Variants in HSPG2 observed in about 807,000 individuals in gnomAD.
HSPG2 encodes heparan sulfate proteoglycan 2.
In HSPG2, 278 loss-of-function variants were observed where a neutral mutation model predicts 526.6. That is an observed-to-expected ratio of 0.53 (90% CI 0.48 to 0.58). HSPG2 has a LOEUF of 0.58. Among genes scored for constraint, HSPG2 ranks in the 20% least tolerant of loss-of-function variants. The probability of loss-of-function intolerance (pLI) is 0.00; values close to 1 mark genes in which losing one functional copy is unlikely to be tolerated. For synonymous variants in HSPG2, 2,465 were observed against 2,555.4 expected (o/e 0.96, Z 1.07); for missense variants, 5,354 against 6,099.5 (o/e 0.88, Z 4.07).
intron 86 of HSPG2, 150 bp downstream of exon 86, chr1:21,829,843 C>A: frequency 1.3e-6 from 1 of 785,644 alleles, no homozygotes; most frequent in Non-Finnish European, 2.1e-6. Context: ...GGGGCTCAGG[C>A]TGGGCAGACA....
Position 21,824,667 on chromosome 1 carries a change from C to T in HSPG2, c.12665+37G>A. Reference sequence around the variant, plus strand: ...CAGAAGTCCCAGATTCCCATCCTCCCCATTAGGCCCATGGGCCCTTCCAAT... The same window carrying T: ...CAGAAGTCCCAGATTCCCATCCTCCTCATTAGGCCCATGGGCCCTTCCAAT... On this transcript the variant is annotated intron_variant, in intron 92 of 96. Transcript: ENST00000374695. This position sits in a 1 kb window ranked among gnomAD's most constrained non-coding sequence, Gnocchi z 5.9. 6.2e-7 allele frequency: 1 copy of T among 1,613,162 alleles called. No homozygotes were observed. The highest frequency in any genetic ancestry group is 8.5e-7 in the Non-Finnish European group (1 of 1,179,458).
chr1:21,923,889 T>A (rs1207853669), intron 1 of HSPG2, among the ~76,000 whole-genome samples: 1 of 152,166 alleles, frequency 6.6e-6, no homozygotes. Flanking sequence ...CTGGGGAAAA[T>A]TAAGCTCAAA....
chr1:21,916,386 T>C (rs1643889391), intron 1 of HSPG2, among the ~76,000 whole-genome samples: 2 of 152,060 alleles, frequency 1.3e-5, no homozygotes, highest in African/African-American at 4.8e-5. Flanking sequence ...GCACCTGTAG[T>C]GCCAGATACT....
chr1:21,833,977 T>C (rs750370919), intron 77 of HSPG2, 52 bp from the exon 78 acceptor site: 3 of 1,188,386 alleles, frequency 2.5e-6, no homozygotes, highest in Non-Finnish European at 1.2e-6. Flanking sequence ...CACAGATATG[T>C]GCCCAGCCTG....
rs1365677396 is a variant in HSPG2 at position 21,860,014 on chromosome 1, G to C, written c.5015-12C>G. 7 of 1,609,278 alleles carry C rather than the reference G, an allele frequency of 4.3e-6. No individual in the cohort carries two copies. Among genetic ancestry groups the C allele is most frequent in the Non-Finnish European group, 5.1e-6 (6 of 1,178,502 alleles). On this transcript the variant is annotated splice_polypyrimidine_tract_variant and intron_variant, in intron 40 of 96. Transcript: ENST00000374695. ...TGGGGCTTGGTTTGCTGGGGGTGGG[G>C]GCCGGGACAGGAAGGGCCTTTCAGC...
intron 13 of HSPG2, among the ~76,000 whole-genome samples, chr1:21,882,974 G>A (rs1641623653): frequency 6.6e-6 from 1 of 152,188 alleles, no homozygotes; most frequent in South Asian, 2.1e-4. Flanking sequence ...GCCTTCCGGG[G>A]ATGTCTTCAG....
intron 1 of HSPG2, 67 bp from the exon 2 acceptor site, chr1:21,896,377 C>A: frequency 6.3e-7 from 1 of 1,589,964 alleles, no homozygotes; most frequent in South Asian, 1.1e-5. Flanking sequence ...GGTCCTTCCC[C>A]TCACTTCCAG....
At chr1:21,911,580 T>A (rs1437307122) in intron 1 of HSPG2, among the ~76,000 whole-genome samples, 2 of 152,112 alleles carry the variant, frequency 1.3e-5, no homozygotes, top group East Asian at 3.9e-4. Context: ...CTTTACCCAG[T>A]TCCCTGGGAA....
rs1192163778 is a variant in HSPG2 at position 21,831,336 on chromosome 1, G to A, written c.11453-12C>T. The A allele has an allele frequency of 6.2e-7, 1 of 1,612,972 alleles. No homozygotes were observed. Among genetic ancestry groups the A allele is most frequent in the Non-Finnish European group, 8.5e-7 (1 of 1,178,990 alleles). On this transcript the variant is annotated splice_polypyrimidine_tract_variant and intron_variant, in intron 83 of 96. Transcript: ENST00000374695. ...CTCCCGGACACAGCCTGGGAGGTGA[G>A]TGGGCAGGATGAGCACAGGGCAGGG...
In HSPG2 at chr1:21,823,006, C is replaced by T. The variant is rs1272113522; in HGVS notation, c.*310G>A. On this transcript the variant is annotated 3_prime_UTR_variant, in exon 97 of 97. Coordinates refer to ENST00000374695, the MANE Select transcript of HSPG2 (RefSeq NM_005529.7). ...CAGGCCACCCAGCTCTATCTGGGGG[C>T]TCCATCGGTGGGTAGGGGGACAGTG... is the stretch of plus-strand genomic sequence containing the variant. 1.8e-5 allele frequency: 5 copies of T among 272,542 alleles called. No homozygotes were observed. The highest frequency in any genetic ancestry group is 1.1e-4 in the African/African-American group (5 of 44,994). 16.9% of individuals were successfully genotyped at this position (272,542 alleles called of 1,614,324 possible).
rs1185082010 is a variant in HSPG2 at position 21,842,338 on chromosome 1, C to T, written c.8953G>A (p.Asp2985Asn). 8.1e-6 allele frequency: 13 copies of T among 1,611,214 alleles called. No homozygotes were observed. Among genetic ancestry groups the T allele is most frequent in the East Asian group, 2.2e-5 (1 of 44,796 alleles). ...QLRLHLVSPA[D>N]SGEYVCRAAS... is the part of the protein sequence containing the mutation. ...GCACGACACACATACTCGCCTGAGT[C>T]GGCAGGGGAGACGAGGTGGAGCCGC... Residue 2985 changes from aspartate (D) to asparagine (N), a missense_variant, in exon 68 of 97, where the codon GAC becomes AAC. Asp to Asn is a conservative substitution (Grantham distance 23). Coordinates refer to ENST00000374695, the MANE Select transcript of HSPG2 (RefSeq NM_005529.7).
chr1:21,937,207 CG>C lies in HSPG2; in HGVS notation c.10del (p.Arg4GlyfsTer19). Reference protein sequence around the residue: MGWRAAGALLLALL... With the variant: MGWXAAGALLLALL... ...CGCCAGCAGCAGCGCGCCCGCCGCC[CG>C]CCACCCCATGGCCCGGCCCGCGCCG... On this transcript the variant is annotated frameshift_variant, in exon 1 of 97. Coordinates refer to ENST00000374695, the MANE Select transcript of HSPG2 (RefSeq NM_005529.7). LOFTEE classifies it high-confidence loss of function. The C allele has an allele frequency of 9.3e-7, 1 of 1,074,362 alleles. No individual in the cohort carries two copies. The highest frequency in any genetic ancestry group is 1.1e-6 in the Non-Finnish European group (1 of 878,026). The allele number at this position is 1,074,362 out of a possible 1,614,324, so 66.6% of individuals were successfully genotyped here. A position where few individuals can be genotyped will look rare whatever the true frequency, so the allele number is the denominator to read the frequency against.
In HSPG2 at chr1:21,855,357, C is replaced by A. The variant is rs149848401; in HGVS notation, c.5944G>T (p.Val1982Leu). Reference protein sequence around the residue: ...TVRLYCRAAGVPSATITWRKE... With the variant: ...TVRLYCRAAGLPSATITWRKE... ...CTCCAGGTGATGGTGGCGCTAGGCA[C>A]GCCTGCAGCCCTGCAGTACAGCCTG... The change falls in exon 47 of 97, where the codon GTG (valine) becomes TTG (leucine). Residue 1982 changes from valine (V) to leucine (L), a missense_variant. Coordinates refer to ENST00000374695, the MANE Select transcript of HSPG2 (RefSeq NM_005529.7). 2 of 1,611,258 alleles carry A rather than the reference C, an allele frequency of 1.2e-6. No individual in the cohort carries two copies. Among genetic ancestry groups the A allele is most frequent in the East Asian group, 4.5e-5 (2 of 44,866 alleles).
At chr1:21,833,194 G>T in intron 80 of HSPG2, 74 bp downstream of exon 80, 1 of 1,233,988 alleles carries the variant, frequency 8.1e-7, no homozygotes, top group Non-Finnish European at 1.2e-6. Context: ...CAGGGCTCCT[G>T]CCATGATGGC....
chr1:21,889,808 G>A lies in HSPG2; in HGVS notation c.574+173C>T, dbSNP rs1229550762. 5 of 699,456 alleles carry A rather than the reference G, an allele frequency of 7.1e-6. No individual in the cohort carries two copies. The East Asian group carries it at 1.3e-4, about 19-fold the overall frequency. The allele number at this position is 699,456 out of a possible 1,614,324, so 43.3% of individuals were successfully genotyped here. On this transcript the variant is annotated intron_variant, in intron 6 of 96. Transcript: ENST00000374695. Reference sequence around the variant, plus strand: ...TAACGGGTATGTGCTAGAGGAAACAGTCTGTGCTCTACCAAGCCAAGATTG... The same window carrying A: ...TAACGGGTATGTGCTAGAGGAAACAATCTGTGCTCTACCAAGCCAAGATTG...
Position 21,890,585 on chromosome 1 carries a change from C to T in HSPG2, c.354G>A (p.Thr118=). 1 of 1,612,238 alleles carries T rather than the reference C, an allele frequency of 6.2e-7. No individual in the cohort carries two copies. Among genetic ancestry groups the T allele is most frequent in the Non-Finnish European group, 8.5e-7 (1 of 1,178,230 alleles). Residue 118 remains threonine, a splice_region_variant and synonymous_variant, in exon 4 of 97, where the codon ACG becomes ACA. Transcript: ENST00000374695. This position sits in a 1 kb window ranked among gnomAD's most constrained non-coding sequence, Gnocchi z 4.1. Reference sequence around the variant, plus strand: ...GCTTCCCAAACCCCCTTCACCTCACCGTGTCTACCACAGCCTCGGACACCT... The same window carrying T: ...GCTTCCCAAACCCCCTTCACCTCACTGTGTCTACCACAGCCTCGGACACCT... ...FREVSEAVVD[T]LESEYLKIPG...
chr1:21,931,231 C>A (rs1255607357), intron 1 of HSPG2, among the ~76,000 whole-genome samples: 1 of 152,264 alleles, frequency 6.6e-6, no homozygotes, highest in African/African-American at 2.4e-5. Context: ...CCTCTCAAGG[C>A]TGCTATTGAC....
intron 67 of HSPG2, 103 bp downstream of exon 67, chr1:21,842,665 TGG>T: frequency 6.8e-7 from 1 of 1,473,820 alleles, no homozygotes; most frequent in Non-Finnish European, 9.4e-7. Flanking sequence ...TTTTATCCCC[TGG>T]GGTCCCCAAG....
intron 1 of HSPG2, among the ~76,000 whole-genome samples, chr1:21,934,003 C>T (rs1010379197): frequency 2.0e-5 from 3 of 152,240 alleles, no homozygotes; most frequent in Admixed American, 6.5e-5. Context: ...TAATCACCAC[C>T]GAGGCTCCCT....
Sources: gnomAD v4.1 joint callset for allele counts (sites outside exome capture counted in the v4.1 genomes callset) on GRCh38, gnomAD v4.1.1 for gene constraint, Gnocchi (gnomAD v3.1) non-coding constraint, MANE v1.5 for transcripts, NCBI Gene and HGNC (gene_info 2026-07-23, HGNC 2026-07-21) for gene names.